The following C1orf174 variants were observed in gnomAD, a reference collection of about 807,000 sequenced individuals.
The protein encoded by C1orf174 is UPF0688 protein C1orf174.
In C1orf174, 13 loss-of-function variants were observed where a neutral mutation model predicts 18.4. That is an observed-to-expected ratio of 0.71 (90% CI 0.46 to 1.12). The LOEUF is 1.12. Among genes scored for constraint, C1orf174 ranks in the 50% most tolerant of loss-of-function variants. The pLI is 0.00. For synonymous variants in C1orf174, 100 were observed against 118.3 expected (o/e 0.85, Z 1.01); for missense variants, 309 against 308.0 (o/e 1.00, Z -0.02).
intron 1 of C1orf174, chr1:3,895,164 C>T (rs952354297): frequency 6.6e-6 from 1 of 152,550 alleles, no homozygotes; most frequent in East Asian, 1.9e-4. Flanking sequence ...GTGGGGAGCC[C>T]AGCTCGGTGC....
intron 1 of C1orf174, chr1:3,895,206 T>G (rs1252786107): frequency 6.6e-6 from 1 of 152,306 alleles, no homozygotes; most frequent in Non-Finnish European, 1.5e-5. Flanking sequence ...GCACACCCAT[T>G]TCAGATGAGG....
intron 1 of C1orf174, among the ~76,000 whole-genome samples, chr1:3,897,476 AAC>A (rs1369672433): frequency 6.6e-6 from 1 of 152,222 alleles, no homozygotes; most frequent in African/African-American, 2.4e-5. Context: ...CATGCTGAAG[AAC>A]ACAGAGAAAA....
intron 1 of C1orf174, among the ~76,000 whole-genome samples, chr1:3,898,685 T>C (rs1638651490): frequency 6.6e-6 from 1 of 152,232 alleles, no homozygotes; most frequent in Non-Finnish European, 1.5e-5. Flanking sequence ...ATAGTTTAAA[T>C]GCCTATTCCT....
At chr1:3,891,727 A>C in intron 2 of C1orf174, 1 of 986,052 alleles carries the variant, frequency 1.0e-6, no homozygotes, top group Non-Finnish European at 1.2e-6. Flanking sequence ...TTTCTCTTCA[A>C]GCCTCTGGCG....
At chr1:3,890,138 G>C in intron 3 of C1orf174, 65 bp from the exon 4 acceptor site, 1 of 1,315,618 alleles carries the variant, frequency 7.6e-7, no homozygotes, top group East Asian at 2.3e-5. Flanking sequence ...CATTTGCAAT[G>C]TGCCCCACCC....
intron 1 of C1orf174, among the ~76,000 whole-genome samples, chr1:3,896,955 C>T (rs1045134043): frequency 6.6e-6 from 1 of 152,208 alleles, no homozygotes; most frequent in African/African-American, 2.4e-5. Context: ...AGCAACATCA[C>T]AGGCTGAACA....
In C1orf174 at chr1:3,890,937, G is replaced by A. The variant is rs141798261; in HGVS notation, c.250C>T (p.Pro84Ser). ...CAAGGGGTCTCAGGTGTCACTTTTG[G>A]CAAAGAAGCGCTGTCATTCTTAGGG... Reference protein sequence around the residue: ...LVPKNDSASLPKVTPETPCEN... With the variant: ...LVPKNDSASLSKVTPETPCEN... The change falls in exon 3 of 4, where the codon CCA becomes TCA. Residue 84 changes from proline to serine, a missense_variant. Physicochemically the swap from Pro to Ser is moderately conservative, Grantham distance 74. Transcript: ENST00000361605. 134 of 1,614,028 alleles carry A rather than the reference G, an allele frequency of 8.3e-5. 1 individual carries two copies. The Middle Eastern group carries it at 2.5e-3, about 30-fold the overall frequency.
At chr1:3,899,174 A>G (rs1638661495) in intron 1 of C1orf174, among the ~76,000 whole-genome samples, 1 of 152,248 alleles carries the variant, frequency 6.6e-6, no homozygotes, top group Non-Finnish European at 1.5e-5. Flanking sequence ...GTAAAATGGC[A>G]AATGTAAACC....
Position 3,891,302 on chromosome 1 carries a change from T to G in C1orf174, c.130-245A>C, listed in dbSNP as rs1638506708. On this transcript the variant is annotated intron_variant, in intron 2 of 3. Coordinates refer to ENST00000361605, the MANE Select transcript of C1orf174 (RefSeq NM_207356.3). The stretch of plus-strand genomic sequence containing the variant: ...TAGTGGCGTTACAGCTCCACACCAC[T>G]CCTACACTTTCAGTTTCCCCTAGTG... 3 of 470,742 alleles carry G rather than the reference T, an allele frequency of 6.4e-6. No homozygotes were observed. In the South Asian group the frequency reaches 8.2e-5, roughly 13 times the overall value. 29.2% of individuals were successfully genotyped at this position (470,742 alleles called of 1,614,324 possible). A position where few individuals can be genotyped will look rare whatever the true frequency, so the allele number is the denominator to read the frequency against.
At chr1:3,900,140 C>CGGCGCAGCTGCTGCCGG in intron 1 of C1orf174, 32 bp downstream of exon 1, 1 of 1,571,746 alleles carries the variant, frequency 6.4e-7, no homozygotes, top group East Asian at 2.4e-5. Flanking sequence ...CCGCCCTGCC[C>CGGCGCAGCTGCTGCCGG]GGCGCAGCTG....
rs189975341 is a variant in C1orf174 at position 3,891,792 on chromosome 1, C to T, written c.130-735G>A. On this transcript the variant is annotated intron_variant, in intron 2 of 3. Transcript: ENST00000361605. ...ACTCCATAGCACGCTAAGAGCAGAGCGATGAGCACAAGTGGCCTCAGAGCC... is the reference window on the plus strand; with the variant it reads ...ACTCCATAGCACGCTAAGAGCAGAGTGATGAGCACAAGTGGCCTCAGAGCC... The T allele has an allele frequency of 3.9e-5, 38 of 986,206 alleles. No individual in the cohort carries two copies. The East Asian group carries it at 2.5e-3, about 65-fold the overall frequency. 61.1% of individuals were successfully genotyped at this position (986,206 alleles called of 1,614,324 possible).
At chr1:3,897,148 AAAAG>A (rs551892862) in intron 1 of C1orf174, among the ~76,000 whole-genome samples, 8 of 152,244 alleles carry the variant, frequency 5.3e-5, no homozygotes, top group South Asian at 2.1e-4. Context: ...CACTCAAAGA[AAAAG>A]AAAAGTAGGC....
In C1orf174 at chr1:3,889,840, A is replaced by C. The variant is rs78669801; in HGVS notation, c.*120T>G. 2.0e-3 allele frequency: 1,849 copies of C among 907,100 alleles called. 20 individuals carry two copies. The African/African-American group carries it at 0.028, about 14-fold the overall frequency. 56.2% of individuals were successfully genotyped at this position (907,100 alleles called of 1,614,324 possible). A position where few individuals can be genotyped will look rare whatever the true frequency, so the allele number is the denominator to read the frequency against. ...TTTGCACTATTGACTTAGATGGGTC[A>C]GTTCTGAAGTTTGATTAAGACATTC... is the stretch of plus-strand genomic sequence containing the variant. On this transcript the variant is annotated 3_prime_UTR_variant, in exon 4 of 4. Coordinates refer to ENST00000361605, the MANE Select transcript of C1orf174 (RefSeq NM_207356.3).
rs1570971105 is a variant in C1orf174, at chr1:3,900,266, G to A, written c.-80C>T. ...AGCGGCGACCCGGAGTCTGCAGAGC[G>A]CGCCGCGGCGGCGTCCGACGTCAGC... On this transcript the variant is annotated 5_prime_UTR_variant, in exon 1 of 4. Coordinates refer to ENST00000361605, the MANE Select transcript of C1orf174 (RefSeq NM_207356.3). The A allele has an allele frequency of 3.4e-6, 5 of 1,452,672 alleles. No homozygotes were observed. Among genetic ancestry groups the A allele is most frequent in the Admixed American group, 2.7e-5 (1 of 36,894 alleles). 90.0% of individuals were successfully genotyped at this position (1,452,672 alleles called of 1,614,324 possible). A position where few individuals can be genotyped will look rare whatever the true frequency, so the allele number is the denominator to read the frequency against.
Position 3,891,055 on chromosome 1 carries a change from A to T in C1orf174, c.132T>A (p.Thr44=), listed in dbSNP as rs1557738689. ...GSTSAKTACL[T]SSSHKATDTR... Reference sequence around the variant, plus strand: ...TGTCTGTGGCTTTGTGGGATGAGGAAGTCTGTCAAGAAAAAAAATGTAAGG... The same window carrying T: ...TGTCTGTGGCTTTGTGGGATGAGGATGTCTGTCAAGAAAAAAAATGTAAGG... The change falls in exon 3 of 4, where the codon ACT becomes ACA. Residue 44 remains threonine, a splice_region_variant and synonymous_variant. Coordinates refer to ENST00000361605, the MANE Select transcript of C1orf174 (RefSeq NM_207356.3). 7 of 1,605,220 alleles carry T rather than the reference A, an allele frequency of 4.4e-6. No individual in the cohort carries two copies. The Admixed American group carries it at 1.2e-4, about 27-fold the overall frequency.
At position 3,891,909 on chromosome 1, in the gene C1orf174, C is replaced by T. The variant is rs375512237; in HGVS notation, c.130-852G>A. The T allele has an allele frequency of 1.4e-4, 87 of 625,148 alleles. No homozygotes were observed. In the South Asian group the frequency reaches 5.0e-3, roughly 36 times the overall value. The allele number at this position is 625,148 out of a possible 1,614,324, so 38.7% of individuals were successfully genotyped here. On this transcript the variant is annotated intron_variant, in intron 2 of 3. Coordinates refer to ENST00000361605, the MANE Select transcript of C1orf174 (RefSeq NM_207356.3). ...GTGGGAGGGTGCTAGGATCAGGGCC[C>T]GGGTCTAGACACACACACGGGTGGG...
chr1:3,900,267 CGCCGCG>C (rs1404860811), exon 1 of C1orf174: 1 of 1,436,508 alleles, frequency 7.0e-7, no homozygotes, highest in African/African-American at 1.5e-5. Flanking sequence ...CTGCAGAGCG[CGCCGCG>C]GCGGCGTCCG....
intron 1 of C1orf174, among the ~76,000 whole-genome samples, chr1:3,897,283 G>C (rs973943619): frequency 1.3e-5 from 2 of 152,158 alleles, no homozygotes; most frequent in Admixed American, 1.3e-4. Flanking sequence ...CATGAATAAA[G>C]AAGAAACATA....
At chr1:3,894,271 G>A (rs546015484) in intron 1 of C1orf174, among the ~76,000 whole-genome samples, 2 of 151,954 alleles carry the variant, frequency 1.3e-5, no homozygotes, top group South Asian at 4.2e-4. Flanking sequence ...CAGCAGATAA[G>A]AGAAATAAAA....
Sources: allele counts gnomAD v4.1 joint callset (sites outside exome capture counted in the v4.1 genomes callset), GRCh38; gene constraint gnomAD v4.1.1; transcripts MANE v1.5; gene names NCBI Gene and HGNC (gene_info 2026-07-23, HGNC 2026-07-21).